TGM2: variants seen among roughly 807,000 people sequenced by gnomAD.
TGM2 encodes the protein transglutaminase 2.
A neutral mutation model predicts 75.6 loss-of-function variants in TGM2; 53 were observed. The observed-to-expected ratio is 0.70, with a 90% confidence interval of 0.56 to 0.88. The LOEUF is 0.88. Ranked by LOEUF, TGM2 falls within the 40% of genes least tolerant of loss-of-function variation. The pLI, the probability that TGM2 is intolerant of heterozygous loss-of-function variation, is 0.00. For missense variants in TGM2, 842 were observed against 928.5 expected, an observed-to-expected ratio of 0.91 and a Z score of 1.21; for synonymous variants, 374 against 381.1, an observed-to-expected ratio of 0.98 and a Z score of 0.22.
rs369270091 is a variant in TGM2, at chr20:38,130,279, G to A, written c.2004C>T (p.Phe668=). 1.4e-4 allele frequency: 230 copies of A among 1,612,910 alleles called. No homozygotes were observed. The highest frequency in any genetic ancestry group is 1.8e-4 in the Non-Finnish European group (217 of 1,179,808). ...TCACAGCCTTCAGCTTGTCGCTCTCGAAGTTCACCACCAGCTTGTGGAGGC... is the reference window on the plus strand; with the variant it reads ...TCACAGCCTTCAGCTTGTCGCTCTCAAAGTTCACCACCAGCTTGTGGAGGC... ...HMGLHKLVVN[F]ESDKLKAVKG... The change falls in exon 13 of 13, where the codon TTC becomes TTT. Residue 668 remains phenylalanine, a synonymous_variant. Coordinates refer to ENST00000361475, the MANE Select transcript of TGM2 (RefSeq NM_004613.4).
chr20:38,162,074 A>T (rs1373928125), intron 1 of TGM2, among the ~76,000 whole-genome samples: 1 of 152,092 alleles, frequency 6.6e-6, no homozygotes, highest in Admixed American at 6.5e-5. Context: ...TCCTGCCTTG[A>T]CCTACCAAAG....
chr20:38,152,186 C>T (rs1174448479), intron 3 of TGM2, among the ~76,000 whole-genome samples: 2 of 152,124 alleles, frequency 1.3e-5, no homozygotes, highest in East Asian at 1.9e-4. Flanking sequence ...TTCACGGGCC[C>T]CTAAGAGTTT....
chr20:38,150,964 T>C lies in TGM2; in HGVS notation c.527A>G (p.Lys176Arg), dbSNP rs1268579175. 2.5e-6 allele frequency: 4 copies of C among 1,614,062 alleles called. No individual in the cohort carries two copies. Among genetic ancestry groups the C allele is most frequent in the Admixed American group, 1.7e-5 (1 of 60,008 alleles). ...CTGCCCAAAATTCCAAGGTATGTTC[T>C]TGATGAACTTGGCCGAGCCCTGGTA... Reference protein sequence around the residue: ...FIYQGSAKFIKNIPWNFGQFE... With the variant: ...FIYQGSAKFIRNIPWNFGQFE... The change falls in exon 4 of 13, where the codon AAG (lysine) becomes AGG (arginine). Residue 176 changes from lysine to arginine, a missense_variant. Physicochemically the swap from Lys to Arg is conservative, Grantham distance 26 (BLOSUM62 2). Transcript: ENST00000361475.
chr20:38,132,659 G>A (rs1473887017), intron 10 of TGM2, 159 bp from the exon 11 acceptor site: 2 of 997,898 alleles, frequency 2.0e-6, no homozygotes, highest in Non-Finnish European at 3.1e-6. Flanking sequence ...TGGCTCCAGG[G>A]TTCCCAGCGA....
intron 2 of TGM2, among the ~76,000 whole-genome samples, chr20:38,156,838 C>A (rs1303723099): frequency 6.6e-6 from 1 of 152,222 alleles, no homozygotes; most frequent in African/African-American, 2.4e-5. Flanking sequence ...CCAAGGATAT[C>A]CTAGGAGTTT....
intron 3 of TGM2, among the ~76,000 whole-genome samples, chr20:38,152,409 T>C (rs1367401687): frequency 6.6e-6 from 1 of 152,176 alleles, no homozygotes; most frequent in Non-Finnish European, 1.5e-5. Flanking sequence ...AAAATTAACC[T>C]TGAAGTCAAT....
intron 5 of TGM2, 45 bp downstream of exon 5, chr20:38,147,916 C>T: frequency 6.3e-7 from 1 of 1,584,942 alleles, no homozygotes; most frequent in East Asian, 2.3e-5. Flanking sequence ...CCTGCGGGAG[C>T]CCCCTGTAGG....
At chr20:38,134,129 G>A (rs1463878377) in intron 10 of TGM2, among the ~76,000 whole-genome samples, 4 of 152,152 alleles carry the variant, frequency 2.6e-5, no homozygotes, top group Non-Finnish European at 5.9e-5. Context: ...TGAGACCCGA[G>A]GAGACAGTCA....
chr20:38,153,290 C>T lies in TGM2; in HGVS notation c.434-2233G>A, dbSNP rs45593933. On this transcript the variant is annotated intron_variant, in intron 3 of 12. Coordinates refer to ENST00000361475, the MANE Select transcript of TGM2 (RefSeq NM_004613.4). ...CTGTAATCCTAGCACTTTGGGAGGC[C>T]GAGGTGGGCGGATCACCTGAGATCA... is the stretch of plus-strand genomic sequence containing the variant. 2.7e-3 allele frequency among the ~76,000 whole-genome samples: 403 copies of T among 151,960 alleles called. 3 individuals are homozygous for T. Among genetic ancestry groups the T allele is most frequent in the African/African-American group, 9.2e-3 (382 of 41,416 alleles).
chr20:38,147,037 G>A lies in TGM2; in HGVS notation c.682-143C>T, dbSNP rs543056557. The A allele has an allele frequency of 2.5e-4, 211 of 842,934 alleles. 1 individual carries two copies. The highest frequency in any genetic ancestry group is 2.1e-3 in the Middle Eastern group (6 of 2,898). The allele number at this position is 842,934 out of a possible 1,614,324, so 52.2% of individuals were successfully genotyped here. A position where few individuals can be genotyped will look rare whatever the true frequency, so the allele number is the denominator to read the frequency against. ...AAAGAGCAGGTGCAAAGGGGCCATC[G>A]TGTGACAGACTGGTGTGCGGCAGAT... On this transcript the variant is annotated intron_variant, in intron 5 of 12. Transcript: ENST00000361475.
intron 11 of TGM2, among the ~76,000 whole-genome samples, chr20:38,131,490 G>C (rs1440596889): frequency 6.6e-6 from 1 of 152,016 alleles, no homozygotes; most frequent in Non-Finnish European, 1.5e-5. Flanking sequence ...CTTGTCCCAG[G>C]GTCTGGAGGG....
rs1345992476 is a variant in TGM2 at position 38,128,691 on chromosome 20, G to T, written c.*1528C>A. 1 of 152,172 alleles carries T rather than the reference G, an allele frequency of 6.6e-6. No individual in the cohort carries two copies. The highest frequency in any genetic ancestry group is 1.9e-4 in the East Asian group (1 of 5,204). The allele number at this position is 152,172 out of a possible 1,614,324, so 9.4% of individuals were successfully genotyped here. A position where few individuals can be genotyped will look rare whatever the true frequency, so the allele number is the denominator to read the frequency against. On this transcript the variant is annotated 3_prime_UTR_variant, in exon 13 of 13. Coordinates refer to ENST00000361475, the MANE Select transcript of TGM2 (RefSeq NM_004613.4). ...CCAAGTCCTTCCCTGGGATTTGGGGGGCCCTGGAGGCTGTGATCTCACCTC... is the reference window on the plus strand; with the variant it reads ...CCAAGTCCTTCCCTGGGATTTGGGGTGCCCTGGAGGCTGTGATCTCACCTC...
chr20:38,165,366 GC>G (rs916626929), upstream of TGM2: 55 of 939,870 alleles, frequency 5.9e-5, no homozygotes, highest in Non-Finnish European at 7.1e-5. Context: ...GCCACCCATT[GC>G]CCAGTCCCGG....
At chr20:38,130,461 A>G in intron 12 of TGM2, 92 bp from the exon 13 acceptor site, 1 of 1,381,564 alleles carries the variant, frequency 7.2e-7, no homozygotes, top group South Asian at 1.3e-5. Flanking sequence ...ACCTCCGAGG[A>G]TCAGCACAGC....
chr20:38,154,617 C>T (rs183063771), intron 3 of TGM2, among the ~76,000 whole-genome samples: 1 of 152,296 alleles, frequency 6.6e-6, no homozygotes, highest in Non-Finnish European at 1.5e-5. Flanking sequence ...CCACTCTGAG[C>T]CTCAGTTTCC....
Position 38,130,287 on chromosome 20 carries a change from C to T in TGM2, c.1996G>A (p.Val666Met). The change falls in exon 13 of 13, where the codon GTG (valine) becomes ATG (methionine). Residue 666 changes from valine (V) to methionine (M), a missense_variant. Physicochemically the swap from Val to Met is conservative, Grantham distance 21. Transcript: ENST00000361475. ...TTCAGCTTGTCGCTCTCGAAGTTCA[C>T]CACCAGCTTGTGGAGGCCCATGTGG... Reference protein sequence around the residue: ...PLHMGLHKLVVNFESDKLKAV... With the variant: ...PLHMGLHKLVMNFESDKLKAV... 1.2e-6 allele frequency: 2 copies of T among 1,612,926 alleles called. No individual in the cohort carries two copies. Among genetic ancestry groups the T allele is most frequent in the South Asian group, 1.1e-5 (1 of 90,538 alleles).
intron 6 of TGM2, chr20:38,146,297 C>T (rs2075043532): frequency 6.4e-6 from 2 of 314,434 alleles, no homozygotes; most frequent in African/African-American, 4.3e-5. Flanking sequence ...TGCTGAGTAG[C>T]TTCATGTCAC....
chr20:38,136,819 G>A lies in TGM2; in HGVS notation c.1615+1294C>T, dbSNP rs45579635. 8.0e-3 allele frequency among the ~76,000 whole-genome samples: 1,216 copies of A among 152,216 alleles called. 14 individuals carry two copies. The highest frequency in any genetic ancestry group is 0.013 in the Non-Finnish European group (880 of 68,010). On this transcript the variant is annotated intron_variant, in intron 10 of 12. Coordinates refer to ENST00000361475, the MANE Select transcript of TGM2 (RefSeq NM_004613.4). The stretch of plus-strand genomic sequence containing the variant: ...TTGATTCCTGGTCCCTCACTGCCTC[G>A]CTATGTGACCTCAGTGGCCACGGCT...
chr20:38,146,503 C>G (rs1303636946), intron 6 of TGM2: 1 of 682,168 alleles, frequency 1.5e-6, no homozygotes, highest in East Asian at 2.7e-5. Context: ...CCCATGCAGT[C>G]TCTCCAATGA....
Sources: allele counts gnomAD v4.1 joint callset (sites outside exome capture counted in the v4.1 genomes callset), GRCh38; gene constraint gnomAD v4.1.1; transcripts MANE v1.5; gene names NCBI Gene and HGNC (gene_info 2026-07-23, HGNC 2026-07-21).